SLC22A15: variants seen among roughly 807,000 people sequenced by gnomAD.
The protein encoded by SLC22A15 is flipt 1.
A neutral mutation model predicts 62.7 loss-of-function variants in SLC22A15; 45 were observed. That is an observed-to-expected ratio of 0.72 (90% CI 0.56 to 0.92). SLC22A15 has a LOEUF of 0.92. Ranked by LOEUF, SLC22A15 falls within the 40% of genes least tolerant of loss-of-function variation. The pLI, the probability that SLC22A15 is intolerant of heterozygous loss-of-function variation, is 0.00. For synonymous variants in SLC22A15, 264 were observed against 267.0 expected (o/e 0.99, Z 0.11); for missense variants, 622 against 665.6 (o/e 0.93, Z 0.72).
intron 8 of SLC22A15, among the ~76,000 whole-genome samples, chr1:116,044,872 A>G (rs1167615229): frequency 6.6e-6 from 1 of 152,168 alleles, no homozygotes; most frequent in African/African-American, 2.4e-5. Flanking sequence ...AAGAAGATGA[A>G]CTAAGTGAAT....
At chr1:116,028,582 G>A (rs1657223104) in intron 5 of SLC22A15, among the ~76,000 whole-genome samples, 1 of 130,900 alleles carries the variant, frequency 7.6e-6, no homozygotes, top group Non-Finnish European at 1.5e-5. Context: ...ACTGTTTAGT[G>A]CTAGGTGGAA....
intron 1 of SLC22A15, 65 bp from the exon 2 acceptor site, chr1:115,991,966 C>G: frequency 7.2e-7 from 1 of 1,394,006 alleles, no homozygotes; most frequent in Admixed American, 1.8e-5. Flanking sequence ...TGCAAGCCTG[C>G]TAAGTGTCTT....
chr1:116,049,234 C>G (rs1395924685), intron 8 of SLC22A15, among the ~76,000 whole-genome samples: 2 of 152,122 alleles, frequency 1.3e-5, no homozygotes, highest in African/African-American at 2.4e-5. Flanking sequence ...TAAACTATAC[C>G]TTGGAACAAA....
chr1:116,003,223 A>G (rs765923301), intron 2 of SLC22A15, among the ~76,000 whole-genome samples: 1 of 152,036 alleles, frequency 6.6e-6, no homozygotes, highest in Non-Finnish European at 1.5e-5. Context: ...TGGTATGCAA[A>G]TTGCAAGACA....
chr1:116,038,621 A>C (rs1657695033), intron 8 of SLC22A15, among the ~76,000 whole-genome samples: 1 of 152,368 alleles, frequency 6.6e-6, no homozygotes, highest in Admixed American at 6.5e-5. Context: ...GCTAATGCTA[A>C]GTAGAGGAGG....
At chr1:116,030,388 C>T (rs780267190) in intron 5 of SLC22A15, among the ~76,000 whole-genome samples, 117 of 151,872 alleles carry the variant, frequency 7.7e-4, no homozygotes, top group Non-Finnish European at 1.4e-3. Flanking sequence ...TATAAAGCAC[C>T]GTAAATAGCC....
chr1:116,044,988 T>C (rs1657889822), intron 8 of SLC22A15, among the ~76,000 whole-genome samples: 1 of 152,194 alleles, frequency 6.6e-6, no homozygotes, highest in Admixed American at 6.5e-5. Context: ...CAGTGTGATA[T>C]CAGTAAAATT....
intron 1 of SLC22A15, among the ~76,000 whole-genome samples, chr1:115,989,206 T>C (rs931761960): frequency 6.6e-6 from 1 of 151,888 alleles, no homozygotes; most frequent in Admixed American, 6.6e-5. Context: ...ACAGAGAAGA[T>C]GAGAAAAGTG....
intron 8 of SLC22A15, among the ~76,000 whole-genome samples, chr1:116,057,758 G>A (rs1207496064): frequency 3.9e-5 from 6 of 152,024 alleles, no homozygotes; most frequent in Non-Finnish European, 8.8e-5. Context: ...TCCTTTGTAG[G>A]GACATGGGTG....
intron 6 of SLC22A15, among the ~76,000 whole-genome samples, chr1:116,033,379 G>A (rs954312143): frequency 2.0e-5 from 3 of 152,090 alleles, no homozygotes; most frequent in East Asian, 1.9e-4. Flanking sequence ...ACTCTATGAC[G>A]AAGGCAACTT....
At chr1:115,996,036 C>T (rs1244088684) in intron 2 of SLC22A15, among the ~76,000 whole-genome samples, 1 of 152,170 alleles carries the variant, frequency 6.6e-6, no homozygotes. Context: ...TAGAGCCACA[C>T]CCACTTTCCT....
intron 8 of SLC22A15, among the ~76,000 whole-genome samples, chr1:116,043,891 A>G (rs1372762661): frequency 6.6e-6 from 1 of 152,188 alleles, no homozygotes; most frequent in African/African-American, 2.4e-5. Context: ...AAACTACCAA[A>G]GCTTACTTAA....
At chr1:115,984,814 G>A (rs1459447754) in intron 1 of SLC22A15, among the ~76,000 whole-genome samples, 1 of 151,496 alleles carries the variant, frequency 6.6e-6, no homozygotes, top group Non-Finnish European at 1.5e-5. Flanking sequence ...GCTAATGTGT[G>A]TGTGTCTTAG....
intron 5 of SLC22A15, among the ~76,000 whole-genome samples, chr1:116,029,215 T>G (rs535022962): frequency 2.6e-5 from 4 of 152,344 alleles, no homozygotes; most frequent in South Asian, 4.1e-4. Context: ...CTTATTTGTT[T>G]ACCAGAAACA....
At chr1:116,060,033 C>T (rs1287616040) in intron 8 of SLC22A15, among the ~76,000 whole-genome samples, 1 of 152,034 alleles carries the variant, frequency 6.6e-6, no homozygotes, top group African/African-American at 2.4e-5. Flanking sequence ...TCTTTTTTCT[C>T]GACCATCACT....
chr1:115,986,082 A>G (rs1654850631), intron 1 of SLC22A15, among the ~76,000 whole-genome samples: 1 of 151,922 alleles, frequency 6.6e-6, no homozygotes, highest in African/African-American at 2.4e-5. Flanking sequence ...GACTCAAGTG[A>G]TCCTCCTGCC....
At chr1:116,046,856 T>C (rs1657942429) in intron 8 of SLC22A15, among the ~76,000 whole-genome samples, 1 of 152,002 alleles carries the variant, frequency 6.6e-6, no homozygotes, top group Admixed American at 6.6e-5. Context: ...AATACAGGGG[T>C]GGAGGAAGCA....
intron 2 of SLC22A15, among the ~76,000 whole-genome samples, chr1:116,009,360 T>TC (rs1491012817): frequency 0.051 from 7,715 of 152,238 alleles, 681 homozygotes; most frequent in African/African-American, 0.18. Flanking sequence ...TGCTTTGTGC[T>TC]TTAGAGGCCT....
At chr1:115,997,781 T>C (rs1655500844) in intron 2 of SLC22A15, among the ~76,000 whole-genome samples, 1 of 152,190 alleles carries the variant, frequency 6.6e-6, no homozygotes, top group South Asian at 2.1e-4. Flanking sequence ...GGATACTCTT[T>C]ATTTCTTTCT....
Sources: gnomAD v4.1 joint callset for allele counts (sites outside exome capture counted in the v4.1 genomes callset) on GRCh38, gnomAD v4.1.1 for gene constraint, MANE v1.5 for transcripts, NCBI Gene and HGNC (gene_info 2026-07-23, HGNC 2026-07-21) for gene names.